Variants in RBFOX1 observed in about 807,000 individuals in gnomAD.
RBFOX1 encodes the protein RNA binding fox-1 homolog 1, also known as RNA binding protein fox-1 homolog 1.
A neutral mutation model predicts 57.7 loss-of-function variants in RBFOX1; 8 were observed. The ratio of observed to expected loss-of-function variants is 0.14; its 90% confidence interval spans 0.08 to 0.25. The LOEUF is 0.25. RBFOX1 is among the 10% of genes least tolerant of loss of function. RBFOX1 has a pLI of 1.00. For missense variants in RBFOX1, 611 were observed against 548.5 expected, an observed-to-expected ratio of 1.11 and a Z score of -1.14; for synonymous variants, 326 against 222.4, an observed-to-expected ratio of 1.47 and a Z score of -4.15.
chr16:7,585,698 T>C (rs140865851), intron 6 of RBFOX1, among the ~76,000 whole-genome samples: 11 of 152,246 alleles, frequency 7.2e-5, no homozygotes, highest in African/African-American at 2.4e-4. Context: ...AAGTGGCATA[T>C]ACATTTGTTT....
At position 7,641,254 on chromosome 16, in the gene RBFOX1, A is replaced by G. The variant is rs1330763580; in HGVS notation, c.757+10571A>G. ...TCCCTTGCCTTATTTCTTTTCTAAA[A>G]TAAATCTCAGTGCAAAGACCATGAG... On this transcript the variant is annotated intron_variant, in intron 11 of 15. Transcript: ENST00000550418. Among the ~76,000 whole-genome samples, 8 of 152,344 alleles carry G rather than the reference A, an allele frequency of 5.3e-5. No individual in the cohort carries two copies. In the South Asian group the frequency reaches 1.0e-3, roughly 20 times the overall value.
At chr16:7,106,938 C>T (rs2063697432) in intron 4 of RBFOX1, among the ~76,000 whole-genome samples, 1 of 146,998 alleles carries the variant, frequency 6.8e-6, no homozygotes, top group Non-Finnish European at 1.5e-5. Context: ...ATGGACACGT[C>T]CCTAATCCTA....
At chr16:7,153,641 T>C (rs1227431383) in intron 4 of RBFOX1, among the ~76,000 whole-genome samples, 1 of 149,538 alleles carries the variant, frequency 6.7e-6, no homozygotes, top group Admixed American at 6.7e-5. Context: ...TTCCAGCTAC[T>C]TGGGAGGCTG....
At chr16:5,914,966 C>T (rs1404492337) in intron 4 of RBFOX1, among the ~76,000 whole-genome samples, 1 of 152,152 alleles carries the variant, frequency 6.6e-6, no homozygotes, top group Non-Finnish European at 1.5e-5. Flanking sequence ...GAACCCACAG[C>T]CTTTTTATCA....
intron 2 of RBFOX1, among the ~76,000 whole-genome samples, chr16:5,559,063 G>A (rs1228780782): frequency 6.6e-6 from 1 of 151,558 alleles, no homozygotes; most frequent in African/African-American, 2.4e-5. Context: ...GGGCTGGGGG[G>A]GTTTGCCTGA....
At chr16:5,650,111 A>T (rs900483744) in intron 3 of RBFOX1, among the ~76,000 whole-genome samples, 1 of 152,226 alleles carries the variant, frequency 6.6e-6, no homozygotes, top group Admixed American at 6.5e-5. Flanking sequence ...TTTCCTCTCA[A>T]TAACCTCTGT....
chr16:6,101,014 G>A (rs913993541), intron 1 of RBFOX1, among the ~76,000 whole-genome samples: 11 of 152,128 alleles, frequency 7.2e-5, no homozygotes, highest in Admixed American at 7.2e-4. Flanking sequence ...CTCCTATAGA[G>A]TTTTAGGGTC....
At chr16:7,154,693 G>C (rs1173682375) in intron 4 of RBFOX1, among the ~76,000 whole-genome samples, 1 of 33,162 alleles carries the variant, frequency 3.0e-5, no homozygotes. Flanking sequence ...CTTTGTGTGT[G>C]TGTGTGTGTG....
chr16:6,184,857 G>A (rs940934626), intron 1 of RBFOX1, among the ~76,000 whole-genome samples: 2 of 152,068 alleles, frequency 1.3e-5, no homozygotes, highest in African/African-American at 2.4e-5. Flanking sequence ...ATGAGCCACC[G>A]CTTCTGGTCT....
At chr16:6,348,324 T>C (rs28457112) in intron 2 of RBFOX1, among the ~76,000 whole-genome samples, 12,469 of 152,236 alleles carry the variant, frequency 0.082, 1,574 homozygotes, top group African/African-American at 0.27. Flanking sequence ...ATGGTATAGA[T>C]GACACCATAT....
intron 4 of RBFOX1, among the ~76,000 whole-genome samples, chr16:7,066,997 TAACA>T (rs2153762304): frequency 6.6e-6 from 1 of 152,306 alleles, no homozygotes; most frequent in Non-Finnish European, 1.5e-5. Context: ...TTTATGCTCC[TAACA>T]AACAGTAACA....
At chr16:7,244,752 G>A (rs769401462) in intron 4 of RBFOX1, among the ~76,000 whole-genome samples, 1 of 152,152 alleles carries the variant, frequency 6.6e-6, no homozygotes, top group African/African-American at 2.4e-5. Flanking sequence ...ATTAAATCCA[G>A]GACCTGGGAG....
intron 10 of RBFOX1, among the ~76,000 whole-genome samples, chr16:7,625,785 C>T (rs1049331214): frequency 1.8e-4 from 27 of 152,200 alleles, no homozygotes; most frequent in African/African-American, 6.3e-4. Flanking sequence ...CCTTTCTTTT[C>T]TTCCTTCCCA....
At chr16:7,573,047 G>A (rs915209989) in intron 5 of RBFOX1, among the ~76,000 whole-genome samples, 5 of 152,148 alleles carry the variant, frequency 3.3e-5, no homozygotes, top group South Asian at 2.1e-4. Context: ...GATGTATGCT[G>A]TGAAGAAATC....
intron 1 of RBFOX1, among the ~76,000 whole-genome samples, chr16:6,259,515 C>T (rs779227123): frequency 1.3e-5 from 2 of 152,094 alleles, no homozygotes; most frequent in African/African-American, 2.4e-5. Context: ...TTTCTCTCTC[C>T]TCAAACTCAC....
At chr16:5,254,488 A>G (rs572764974) in intron 1 of RBFOX1, among the ~76,000 whole-genome samples, 2 of 152,254 alleles carry the variant, frequency 1.3e-5, no homozygotes, top group East Asian at 1.9e-4. Context: ...ACACTTTTTT[A>G]AAAAGGAGTC....
intron 1 of RBFOX1, among the ~76,000 whole-genome samples, chr16:5,422,082 A>G (rs1388992651): frequency 6.6e-6 from 1 of 152,212 alleles, no homozygotes; most frequent in Non-Finnish European, 1.5e-5. Flanking sequence ...TGACTCAGCC[A>G]TCTTGCTCCT....
At chr16:7,673,623 G>A (rs2072316080) in intron 13 of RBFOX1, among the ~76,000 whole-genome samples, 1 of 152,142 alleles carries the variant, frequency 6.6e-6, no homozygotes, top group East Asian at 1.9e-4. Flanking sequence ...GACCTCTAGA[G>A]GTTTTGCTAA....
At chr16:6,921,554 C>G (rs189260174) in intron 3 of RBFOX1, among the ~76,000 whole-genome samples, 38 of 152,012 alleles carry the variant, frequency 2.5e-4, no homozygotes, top group African/African-American at 9.2e-4. Flanking sequence ...GCCATAGGTC[C>G]TCTCATAACA....
Sources: gnomAD v4.1 joint callset for allele counts (sites outside exome capture counted in the v4.1 genomes callset) on GRCh38, gnomAD v4.1.1 for gene constraint, MANE v1.5 for transcripts, NCBI Gene and HGNC (gene_info 2026-07-23, HGNC 2026-07-21) for gene names.